The following TPST1 variants were observed in gnomAD, a reference collection of about 807,000 sequenced individuals.
TPST1 encodes protein-tyrosine sulfotransferase 1.
In TPST1, 20 loss-of-function variants were observed where a neutral mutation model predicts 34.8. The ratio of observed to expected loss-of-function variants is 0.57; its 90% CI spans 0.40 to 0.84. TPST1 has a LOEUF of 0.84. TPST1 is among the 40% of genes least tolerant of loss of function. TPST1 has a pLI of 0.00. For synonymous variants in TPST1, 152 were observed against 159.4 expected (o/e 0.95, Z 0.35); for missense variants, 353 against 455.5 (o/e 0.78, Z 2.05).
At chr7:66,304,781 C>G (rs185416376) in intron 3 of TPST1, among the ~76,000 whole-genome samples, 5 of 151,820 alleles carry the variant, frequency 3.3e-5, no homozygotes, top group African/African-American at 1.2e-4. Flanking sequence ...CTTTGATATC[C>G]TAAAACTTAC....
intron 3 of TPST1, among the ~76,000 whole-genome samples, chr7:66,339,833 T>TAAA (rs71526540): frequency 0.62 from 69,886 of 111,904 alleles, 21,108 homozygotes; most frequent in African/African-American, 0.67. Context: ...CCCCTCAACC[T>TAAA]AAAAAAAAAA....
rs1017928489 is a variant in TPST1 at position 66,360,142 on chromosome 7, T to C, written c.*277T>C. 7 of 329,084 alleles carry C rather than the reference T, an allele frequency of 2.1e-5. No homozygotes were observed. Among genetic ancestry groups the C allele is most frequent in the African/African-American group, 1.5e-4 (7 of 46,366 alleles). 20.4% of individuals were successfully genotyped at this position (329,084 alleles called of 1,614,324 possible). On this transcript the variant is annotated 3_prime_UTR_variant, in exon 6 of 6. Coordinates refer to ENST00000304842, the MANE Select transcript of TPST1 (RefSeq NM_003596.4). ...GCCCAGAAGGAACATGTGTTTCCTG[T>C]TAAAACTCCTCTTGTTCTCTTTTCT...
chr7:66,355,507 A>G (rs1355400964), intron 4 of TPST1, among the ~76,000 whole-genome samples: 5 of 151,656 alleles, frequency 3.3e-5, no homozygotes, highest in Non-Finnish European at 4.4e-5. Flanking sequence ...CAAACAAAAA[A>G]CTCATCTGTG....
At chr7:66,325,116 TAGA>T (rs931294996) in intron 3 of TPST1, among the ~76,000 whole-genome samples, 4 of 152,030 alleles carry the variant, frequency 2.6e-5, no homozygotes, top group African/African-American at 9.7e-5. Context: ...AAAATCATAG[TAGA>T]AGGTCAAGAG....
At chr7:66,229,361 C>T (rs7792434) in intron 1 of TPST1, among the ~76,000 whole-genome samples, 145,195 of 152,242 alleles carry the variant, frequency 0.95, 69,328 homozygotes, top group East Asian at 1. Context: ...CTGCCTGCCT[C>T]GGCCTCCCAA....
At chr7:66,203,096 A>G (rs1257361255), upstream of TPST1, among the ~76,000 whole-genome samples, 1 of 152,048 alleles carries the variant, frequency 6.6e-6, no homozygotes, top group Non-Finnish European at 1.5e-5. Context: ...AAAAACAAAC[A>G]AACAACAAAA....
chr7:66,224,597 C>T (rs540016601), intron 1 of TPST1, among the ~76,000 whole-genome samples: 1 of 152,264 alleles, frequency 6.6e-6, no homozygotes, highest in South Asian at 2.1e-4. Flanking sequence ...TGTACCTGGG[C>T]CTGTGTGTGT....
intron 1 of TPST1, among the ~76,000 whole-genome samples, chr7:66,236,885 G>A (rs772335171): frequency 7.9e-5 from 12 of 152,092 alleles, no homozygotes; most frequent in Non-Finnish European, 1.5e-4. Context: ...GTGATCAGTG[G>A]TCACCCAGTG....
upstream of TPST1, among the ~76,000 whole-genome samples, chr7:66,200,581 G>T (rs556240651): frequency 2.0e-5 from 3 of 151,042 alleles, no homozygotes; most frequent in Non-Finnish European, 4.4e-5. Flanking sequence ...CAGCACACCC[G>T]GCTAATTTTT....
chr7:66,265,163 T>C (rs1378176740), intron 2 of TPST1, among the ~76,000 whole-genome samples: 1 of 152,098 alleles, frequency 6.6e-6, no homozygotes, highest in Non-Finnish European at 1.5e-5. Context: ...AAATAGAGCC[T>C]AAAGAGACCT....
intron 2 of TPST1, among the ~76,000 whole-genome samples, chr7:66,246,157 T>G (rs1312871359): frequency 8.1e-5 from 12 of 148,428 alleles, no homozygotes; most frequent in African/African-American, 3.0e-4. Flanking sequence ...GGATTACAGG[T>G]GCATGCCATC....
chr7:66,203,976 A>G (rs1789068596), upstream of TPST1, among the ~76,000 whole-genome samples: 1 of 152,134 alleles, frequency 6.6e-6, no homozygotes, highest in South Asian at 2.1e-4. Context: ...CAGGAGTTCA[A>G]GATCAGCCTG....
At chr7:66,299,683 G>GTT (rs1404341065) in intron 3 of TPST1, among the ~76,000 whole-genome samples, 7 of 151,996 alleles carry the variant, frequency 4.6e-5, no homozygotes, top group Admixed American at 4.6e-4. Flanking sequence ...AACCCATCTG[G>GTT]TGACTTCTTC....
At chr7:66,316,809 A>T (rs1219355940) in intron 3 of TPST1, among the ~76,000 whole-genome samples, 2 of 152,168 alleles carry the variant, frequency 1.3e-5, no homozygotes, top group Non-Finnish European at 2.9e-5. Flanking sequence ...AAAATTATTC[A>T]TTTTTCACAG....
At chr7:66,320,115 G>T (rs1044283925) in intron 3 of TPST1, among the ~76,000 whole-genome samples, 4 of 152,132 alleles carry the variant, frequency 2.6e-5, no homozygotes, top group South Asian at 2.1e-4. Flanking sequence ...CCAATTATAT[G>T]TGTTATTCCT....
At chr7:66,342,959 C>CT (rs1185042731) in intron 3 of TPST1, among the ~76,000 whole-genome samples, 1 of 152,152 alleles carries the variant, frequency 6.6e-6, no homozygotes, top group Non-Finnish European at 1.5e-5. Flanking sequence ...AAACACCCAA[C>CT]TGCAGCCCTC....
intron 2 of TPST1, among the ~76,000 whole-genome samples, chr7:66,256,571 T>C (rs925234189): frequency 6.6e-6 from 1 of 152,200 alleles, no homozygotes; most frequent in Admixed American, 6.5e-5. Context: ...CTACTTAACA[T>C]GGCAGCAGGC....
Position 66,317,542 on chromosome 7 carries a change from G to A in TPST1, c.1044+30833G>A, listed in dbSNP as rs145430974. Reference sequence around the variant, plus strand: ...ATATAGCTATCCCCAATATTTTTTGGTTATAATTTCCCTAGTATATCGTTT... The same window carrying A: ...ATATAGCTATCCCCAATATTTTTTGATTATAATTTCCCTAGTATATCGTTT... On this transcript the variant is annotated intron_variant, in intron 3 of 5. Transcript: ENST00000304842. 5.4e-4 allele frequency among the ~76,000 whole-genome samples: 81 copies of A among 150,978 alleles called. No individual in the cohort carries two copies. The East Asian group carries it at 0.012, about 22-fold the overall frequency.
At chr7:66,256,861 A>G (rs1027041059) in intron 2 of TPST1, among the ~76,000 whole-genome samples, 1 of 152,184 alleles carries the variant, frequency 6.6e-6, no homozygotes, top group African/African-American at 2.4e-5. Context: ...CAGGTCTCCA[A>G]AAGTCTCATT....
Sources: gnomAD v4.1 joint callset for allele counts (sites outside exome capture counted in the v4.1 genomes callset) on GRCh38, gnomAD v4.1.1 for gene constraint, MANE v1.5 for transcripts, NCBI Gene and HGNC (gene_info 2026-07-23, HGNC 2026-07-21) for gene names.